CNTLN: variants seen among roughly 807,000 people sequenced by gnomAD.
The protein encoded by CNTLN is centlein, centrosomal protein.
CNTLN carries 212 observed loss-of-function variants against 180.0 expected under a neutral mutation model. That is an observed-to-expected ratio of 1.18 (90% CI 1.05 to 1.32). CNTLN has a LOEUF of 1.32. Ranked by LOEUF, CNTLN falls within the 40% of genes most tolerant of loss-of-function variation. CNTLN has a pLI of 0.00. For missense variants in CNTLN, 2,095 were observed against 1,610.9 expected (o/e 1.30, Z -5.14); for synonymous variants, 722 against 563.1 (o/e 1.28, Z -3.99).
At chr9:17,464,450 T>C (rs770875669) in intron 20 of CNTLN, 47 bp from the exon 21 acceptor site, 2 of 1,492,996 alleles carry the variant, frequency 1.3e-6, no homozygotes, top group Non-Finnish European at 1.8e-6. Context: ...ATCACCACTG[T>C]TAAGGTATTT....
At chr9:17,501,958 A>T (rs542148338) in intron 25 of CNTLN, among the ~76,000 whole-genome samples, 16 of 152,340 alleles carry the variant, frequency 1.1e-4, no homozygotes, top group African/African-American at 3.8e-4. Context: ...TATATAAATT[A>T]TGAAATTTAA....
At chr9:17,137,149 T>C (rs1392905723) in intron 1 of CNTLN, among the ~76,000 whole-genome samples, 1 of 152,186 alleles carries the variant, frequency 6.6e-6, no homozygotes, top group African/African-American at 2.4e-5. Flanking sequence ...ATATATAGAC[T>C]AGGAAAATGA....
chr9:17,431,734 G>T (rs1420274527), intron 18 of CNTLN, among the ~76,000 whole-genome samples: 4 of 152,074 alleles, frequency 2.6e-5, no homozygotes, highest in Non-Finnish European at 4.4e-5. Flanking sequence ...AGACTTCAGT[G>T]AGCCATTAAT....
At chr9:17,473,747 C>T (rs1239015766) in intron 23 of CNTLN, among the ~76,000 whole-genome samples, 1 of 152,102 alleles carries the variant, frequency 6.6e-6, no homozygotes, top group Non-Finnish European at 1.5e-5. Flanking sequence ...TGTTTTGAAC[C>T]TTCTCCAATT....
At chr9:17,413,211 G>A (rs1283622772) in intron 16 of CNTLN, among the ~76,000 whole-genome samples, 2 of 115,816 alleles carry the variant, frequency 1.7e-5, no homozygotes, top group African/African-American at 5.1e-5. Flanking sequence ...ATATTTCTAC[G>A]CAAAAAATAT....
At chr9:17,392,352 A>G (rs1198050001) in intron 14 of CNTLN, among the ~76,000 whole-genome samples, 1 of 152,226 alleles carries the variant, frequency 6.6e-6, no homozygotes, top group Non-Finnish European at 1.5e-5. Flanking sequence ...TTTAATATGC[A>G]AAAGTATTTT....
At chr9:17,310,046 G>C (rs570024191) in intron 8 of CNTLN, among the ~76,000 whole-genome samples, 2 of 151,954 alleles carry the variant, frequency 1.3e-5, no homozygotes, top group Admixed American at 1.3e-4. Flanking sequence ...TACAATATTG[G>C]ATCAATGATA....
At chr9:17,413,997 G>T (rs1828044495) in intron 16 of CNTLN, among the ~76,000 whole-genome samples, 1 of 152,140 alleles carries the variant, frequency 6.6e-6, no homozygotes, top group Non-Finnish European at 1.5e-5. Flanking sequence ...ACAAACTGTG[G>T]TACATCTGTA....
At chr9:17,443,494 TGAG>T (rs1386889081) in intron 18 of CNTLN, among the ~76,000 whole-genome samples, 3 of 152,166 alleles carry the variant, frequency 2.0e-5, no homozygotes, top group Non-Finnish European at 4.4e-5. Flanking sequence ...GCTATATGGT[TGAG>T]GAGTCTATAT....
chr9:17,385,738 A>G (rs984990444), intron 13 of CNTLN, among the ~76,000 whole-genome samples: 6 of 152,220 alleles, frequency 3.9e-5, no homozygotes, highest in Admixed American at 3.3e-4. Flanking sequence ...TAGTATAACA[A>G]TATTTACATA....
chr9:17,310,906 G>A (rs559512332), intron 8 of CNTLN, among the ~76,000 whole-genome samples: 214 of 152,156 alleles, frequency 1.4e-3, no homozygotes, highest in African/African-American at 5.1e-3. Flanking sequence ...ATTTTCAAAA[G>A]CTCTTTATAT....
At chr9:17,155,830 C>T (rs1819243327) in intron 2 of CNTLN, among the ~76,000 whole-genome samples, 1 of 151,874 alleles carries the variant, frequency 6.6e-6, no homozygotes, top group Non-Finnish European at 1.5e-5. Flanking sequence ...GCCCAATTGG[C>T]TGCCCAGTTT....
chr9:17,213,634 C>G (rs923793069), intron 2 of CNTLN, among the ~76,000 whole-genome samples: 1 of 152,154 alleles, frequency 6.6e-6, no homozygotes. Context: ...ACTCGTTGGT[C>G]TGTCTAATGT....
intron 3 of CNTLN, among the ~76,000 whole-genome samples, chr9:17,233,434 A>G (rs1039433696): frequency 1.3e-5 from 2 of 152,094 alleles, no homozygotes; most frequent in African/African-American, 4.8e-5. Context: ...ATGTGTGCCT[A>G]TTACCTTGAT....
intron 7 of CNTLN, among the ~76,000 whole-genome samples, chr9:17,308,780 A>G (rs1053710007): frequency 4.0e-5 from 6 of 151,742 alleles, no homozygotes; most frequent in South Asian, 2.1e-4. Flanking sequence ...TTCTTTTCCT[A>G]TATTACACTG....
the CNTLN span, among the ~76,000 whole-genome samples, chr9:17,526,300 T>C: frequency 1.3e-5 from 2 of 152,174 alleles, no homozygotes; most frequent in African/African-American, 2.4e-5. Flanking sequence ...TAAGTGCTCA[T>C]AGAGCAATAA....
chr9:17,428,556 A>G (rs1041764070), intron 18 of CNTLN, among the ~76,000 whole-genome samples: 1 of 152,146 alleles, frequency 6.6e-6, no homozygotes, highest in Non-Finnish European at 1.5e-5. Context: ...GTTTTTCAGT[A>G]GGTTATATTT....
chr9:17,135,837 T>G lies in CNTLN; in HGVS notation c.360+412T>G, dbSNP rs1817677412. Among the ~76,000 whole-genome samples the G allele has an allele frequency of 2.0e-5, 3 of 152,154 alleles. No homozygotes were observed. In the South Asian group the frequency reaches 6.2e-4, roughly 32 times the overall value. Reference sequence around the variant, plus strand: ...AACACTTCGGTTAGAGTAAAATCCATCGATGAAGGAGCCTGTTTTTAAAAT... The same window carrying G: ...AACACTTCGGTTAGAGTAAAATCCAGCGATGAAGGAGCCTGTTTTTAAAAT... On this transcript the variant is annotated intron_variant, in intron 1 of 25. Coordinates refer to ENST00000380647, the MANE Select transcript of CNTLN (RefSeq NM_017738.4).
chr9:17,428,641 T>C (rs534746625), intron 18 of CNTLN, among the ~76,000 whole-genome samples: 1 of 152,264 alleles, frequency 6.6e-6, no homozygotes, highest in South Asian at 2.1e-4. Context: ...TTATTCTCAT[T>C]GAAAAAATAA....
Sources: gnomAD v4.1 joint callset for allele counts (sites outside exome capture counted in the v4.1 genomes callset) on GRCh38, gnomAD v4.1.1 for gene constraint, MANE v1.5 for transcripts, NCBI Gene and HGNC (gene_info 2026-07-23, HGNC 2026-07-21) for gene names.